The following BLTP1 variants were observed in gnomAD, a reference collection of about 807,000 sequenced individuals.
BLTP1 encodes fragile site-associated protein.
chr4:122,189,740 T>C, the BLTP1 span: 9 of 887,876 alleles, frequency 1.0e-5, no homozygotes, highest in Non-Finnish European at 1.2e-5. Flanking sequence ...CAAATTTTTT[T>C]TTCTTCTTGA....
the BLTP1 span, chr4:122,289,017 G>A: frequency 2.0e-6 from 3 of 1,484,684 alleles, no homozygotes; most frequent in Admixed American, 2.1e-5. Flanking sequence ...TCAGTTTAGG[G>A]TGATTTATGT....
At chr4:122,230,019 G>A in the BLTP1 span, 1 of 1,614,020 alleles carries the variant, frequency 6.2e-7, no homozygotes, top group Non-Finnish European at 8.5e-7. Flanking sequence ...TTTCAAGTGA[G>A]ACAGTACATT....
At chr4:122,191,986 ATATTT>A in the BLTP1 span, among the ~76,000 whole-genome samples, 1 of 152,110 alleles carries the variant, frequency 6.6e-6, no homozygotes, top group Admixed American at 6.5e-5. Context: ...ATTACATTAA[ATATTT>A]TATGTCAACA....
the BLTP1 span, chr4:122,208,765 ATTTG>A: frequency 1.5e-6 from 1 of 659,358 alleles, no homozygotes; most frequent in Non-Finnish European, 1.9e-6. Flanking sequence ...GCCATTTCAA[ATTTG>A]TTTATCTCAC....
chr4:122,187,270 G>C, the BLTP1 span: 42 of 978,092 alleles, frequency 4.3e-5, no homozygotes, highest in Non-Finnish European at 5.0e-5. Flanking sequence ...AGGAATATTA[G>C]TATTCCTTCA....
At chr4:122,272,541 A>G in the BLTP1 span, 1 of 646,442 alleles carries the variant, frequency 1.5e-6, no homozygotes, top group Non-Finnish European at 2.6e-6. Flanking sequence ...GACTTCCCAA[A>G]TTCTGAGGTA....
At chr4:122,271,588 T>C in the BLTP1 span, 4 of 1,613,378 alleles carry the variant, frequency 2.5e-6, no homozygotes, top group African/African-American at 4.0e-5. Context: ...ATGACTCTGA[T>C]TCAATTACAG....
At chr4:122,290,144 G>A in the BLTP1 span, among the ~76,000 whole-genome samples, 3 of 152,126 alleles carry the variant, frequency 2.0e-5, no homozygotes, top group African/African-American at 7.2e-5. Flanking sequence ...TCCTGGGCTG[G>A]TTCTGGTTGT....
chr4:122,213,014 A>G, the BLTP1 span, among the ~76,000 whole-genome samples: 2 of 152,114 alleles, frequency 1.3e-5, no homozygotes, highest in Non-Finnish European at 2.9e-5. Flanking sequence ...GAATTTGTGC[A>G]ATTCTTTGAG....
chr4:122,190,285 G>A, the BLTP1 span: 1 of 517,170 alleles, frequency 1.9e-6, no homozygotes, highest in Admixed American at 6.9e-5. Context: ...TTGTAGAGAT[G>A]GTATTTCGCT....
chr4:122,297,879 G>C, the BLTP1 span: 4 of 152,158 alleles, frequency 2.6e-5, no homozygotes, highest in African/African-American at 9.7e-5. Context: ...AACACAGGGA[G>C]GGGAACAACA....
the BLTP1 span, chr4:122,276,579 T>G: frequency 1.0e-6 from 1 of 985,370 alleles, no homozygotes; most frequent in Non-Finnish European, 1.2e-6. Context: ...CAGCACCATC[T>G]GGGTGTGTTC....
the BLTP1 span, among the ~76,000 whole-genome samples, chr4:122,248,340 TATC>T: frequency 6.6e-6 from 1 of 152,056 alleles, no homozygotes; most frequent in Non-Finnish European, 1.5e-5. Context: ...TGAAAGGCAT[TATC>T]ATGCAGAAAA....
chr4:122,244,959 A>T, the BLTP1 span: 2 of 1,571,592 alleles, frequency 1.3e-6, no homozygotes, highest in South Asian at 2.3e-5. Flanking sequence ...ATATGTTTAC[A>T]TAAACTAAGT....
chr4:122,164,229 C>T, the BLTP1 span, among the ~76,000 whole-genome samples: 1 of 152,150 alleles, frequency 6.6e-6, no homozygotes, highest in African/African-American at 2.4e-5. Flanking sequence ...ATACCTTGGC[C>T]ATGGTTATAA....
chr4:122,243,678 C>G, the BLTP1 span: 1 of 464,492 alleles, frequency 2.2e-6, no homozygotes, highest in Non-Finnish European at 2.8e-6. Context: ...GATCGCACCA[C>G]TGCACTCCAG....
At chr4:122,349,452 C>T in the BLTP1 span, 1 of 1,577,326 alleles carries the variant, frequency 6.3e-7, no homozygotes, top group Non-Finnish European at 8.7e-7. This position sits in a 1 kb window ranked among gnomAD's most constrained non-coding sequence, Gnocchi z 4.5. Context: ...TATTTTAGCT[C>T]ATATTTCTGA....
the BLTP1 span, chr4:122,304,672 A>G: frequency 6.9e-7 from 1 of 1,444,356 alleles, no homozygotes; most frequent in Non-Finnish European, 9.1e-7. Context: ...ATTATCTCCA[A>G]GGTATGCCTG....
chr4:122,196,897 G>A, the BLTP1 span: 3 of 551,460 alleles, frequency 5.4e-6, no homozygotes, highest in East Asian at 9.7e-5. Flanking sequence ...ATTTATATGA[G>A]CTGTTTTCCC....
Sources: allele counts gnomAD v4.1 joint callset (sites outside exome capture counted in the v4.1 genomes callset), GRCh38; gene constraint gnomAD v4.1.1; non-coding constraint Gnocchi (gnomAD v3.1); transcripts MANE v1.5; gene names NCBI Gene and HGNC (gene_info 2026-07-23, HGNC 2026-07-21).